Variants in FRMPD4 observed in about 807,000 individuals in gnomAD.
FRMPD4 encodes the protein FERM and PDZ domain-containing protein 4.
FRMPD4 carries 22 observed loss-of-function variants against 94.1 expected under a neutral mutation model. The ratio of observed to expected loss-of-function variants is 0.23; its 90% CI spans 0.17 to 0.33. The LOEUF (loss-of-function observed/expected upper bound fraction) is 0.33, where lower values mean the gene tolerates loss of function less well. FRMPD4 is among the 10% of genes least tolerant of loss of function. The pLI is 1.00. For missense variants in FRMPD4, 1,111 were observed against 1,339.9 expected (o/e 0.83, Z 2.67); for synonymous variants, 631 against 548.6 (o/e 1.15, Z -2.10).
At chrX:12,532,769 G>T (rs1389709187) in intron 2 of FRMPD4, among the ~76,000 whole-genome samples, 1 of 111,430 alleles carries the variant, frequency 9.0e-6, no homozygotes, top group Non-Finnish European at 1.9e-5. Flanking sequence ...TGTAATTGGA[G>T]AAAGGAATTC....
intron 3 of FRMPD4, among the ~76,000 whole-genome samples, chrX:12,041,555 A>AT (rs200104330): frequency 0.015 from 1,529 of 103,341 alleles, 11 homozygotes; most frequent in Non-Finnish European, 0.016. Flanking sequence ...ATCATGAGTC[A>AT]TTTTTTTTTT....
intron 3 of FRMPD4, among the ~76,000 whole-genome samples, chrX:11,960,270 A>G (rs1167114622): frequency 8.9e-6 from 1 of 111,792 alleles, no homozygotes; most frequent in Non-Finnish European, 1.9e-5. Context: ...GCCAAGAACC[A>G]TTTGGATTTT....
intron 4 of FRMPD4, among the ~76,000 whole-genome samples, chrX:12,638,964 T>C (rs766270946): frequency 1.8e-4 from 20 of 111,681 alleles, no homozygotes; most frequent in Non-Finnish European, 3.6e-4. Flanking sequence ...ATTCCCAGGA[T>C]GAGGAATCTC....
chrX:12,426,789 T>G (rs1046162386), intron 1 of FRMPD4, among the ~76,000 whole-genome samples: 4 of 111,804 alleles, frequency 3.6e-5, no homozygotes, highest in African/African-American at 1.3e-4. Flanking sequence ...ATCTCTTAGC[T>G]TCTACTCTTC....
chrX:12,207,794 C>T lies in FRMPD4; in HGVS notation c.41+68782C>T, dbSNP rs187490971. Reference sequence around the variant, plus strand: ...AGAATCCTAAAATCTACATACAAATCCCTAGTTGACTCCTAAACTATGCAC... The same window carrying T: ...AGAATCCTAAAATCTACATACAAATTCCTAGTTGACTCCTAAACTATGCAC... On this transcript the variant is annotated intron_variant, in intron 1 of 16. Coordinates refer to ENST00000675598, the MANE Select transcript of FRMPD4 (RefSeq NM_001368397.1). Among the ~76,000 whole-genome samples the T allele has an allele frequency of 9.0e-5, 10 of 110,740 alleles. No individual in the cohort carries two copies. The East Asian group carries it at 2.9e-3, about 32-fold the overall frequency.
At chrX:12,334,864 G>A (rs1374622014) in intron 1 of FRMPD4, among the ~76,000 whole-genome samples, 3 of 111,137 alleles carry the variant, frequency 2.7e-5, no homozygotes, top group African/African-American at 9.8e-5. Flanking sequence ...ACTTTCCTGT[G>A]AAAATGCATC....
chrX:12,302,928 T>A (rs1377770273), intron 1 of FRMPD4, among the ~76,000 whole-genome samples: 1 of 112,076 alleles, frequency 8.9e-6, no homozygotes, highest in African/African-American at 3.2e-5. Flanking sequence ...TGGACACTTA[T>A]GTGCAAAGAC....
intron 3 of FRMPD4, among the ~76,000 whole-genome samples, chrX:11,921,941 C>T (rs2054059004): frequency 9.0e-6 from 1 of 111,567 alleles, no homozygotes; most frequent in African/African-American, 3.3e-5. Context: ...GAAATCTGAG[C>T]TCTTTGTATC....
rs775235027 is a variant in FRMPD4, at chrX:12,458,998, T to G, written c.42-39682T>G. ...AGAAGGAAGTACAAAACAATATAAC[T>G]CCATTGACCATGGAGCACAGAAGTT... is the stretch of plus-strand genomic sequence containing the variant. On this transcript the variant is annotated intron_variant, in intron 1 of 16. Transcript: ENST00000675598. Among the ~76,000 whole-genome samples, 3 of 111,842 alleles carry G rather than the reference T, an allele frequency of 2.7e-5. No homozygotes were observed. The South Asian group carries it at 1.1e-3, about 42-fold the overall frequency.
chrX:12,245,311 AT>A (rs1010113370), intron 1 of FRMPD4, among the ~76,000 whole-genome samples: 4 of 110,922 alleles, frequency 3.6e-5, no homozygotes, highest in African/African-American at 1.3e-4. Flanking sequence ...GTGGGTTGGG[AT>A]TTTTTTCTCA....
At chrX:12,455,105 G>A (rs765272435) in intron 1 of FRMPD4, among the ~76,000 whole-genome samples, 16 of 110,771 alleles carry the variant, frequency 1.4e-4, no homozygotes, top group African/African-American at 4.9e-4. Flanking sequence ...ATCATGTGAC[G>A]CTGGGTGAAG....
chrX:11,826,435 G>A (rs932958004), intron 1 of FRMPD4, among the ~76,000 whole-genome samples: 6 of 111,637 alleles, frequency 5.4e-5, no homozygotes, highest in Non-Finnish European at 1.1e-4. Flanking sequence ...GAGGAGGATA[G>A]GAGGGGGCGA....
chrX:11,860,628 G>T (rs1192803701), intron 1 of FRMPD4, among the ~76,000 whole-genome samples: 1 of 112,220 alleles, frequency 8.9e-6, no homozygotes, highest in Non-Finnish European at 1.9e-5. Flanking sequence ...ACACTTTAAT[G>T]ATATTTAAAA....
intron 1 of FRMPD4, among the ~76,000 whole-genome samples, chrX:12,140,422 C>T (rs1245315776): frequency 1.8e-5 from 2 of 112,364 alleles, no homozygotes; most frequent in Non-Finnish European, 3.8e-5. Context: ...AGGGCCATTG[C>T]TTCACACCAC....
At chrX:11,834,807 T>TA (rs2053492986) in intron 1 of FRMPD4, among the ~76,000 whole-genome samples, 1 of 112,155 alleles carries the variant, frequency 8.9e-6, no homozygotes, top group Non-Finnish European at 1.9e-5. Context: ...TGAACTTATT[T>TA]AAAAAACCAT....
intron 1 of FRMPD4, among the ~76,000 whole-genome samples, chrX:12,144,787 A>AAT (rs2055740627): frequency 9.3e-6 from 1 of 107,243 alleles, no homozygotes; most frequent in African/African-American, 3.3e-5. Flanking sequence ...TATAAAATAT[A>AAT]ATATATATAT....
chrX:12,491,478 G>A (rs1160840975), intron 1 of FRMPD4, among the ~76,000 whole-genome samples: 2 of 111,662 alleles, frequency 1.8e-5, no homozygotes, highest in East Asian at 2.8e-4. Flanking sequence ...TACAACTTTG[G>A]TTTAATGTCT....
chrX:12,113,740 C>T (rs766236918), intron 3 of FRMPD4, among the ~76,000 whole-genome samples: 1 of 112,255 alleles, frequency 8.9e-6, no homozygotes, highest in East Asian at 2.8e-4. Flanking sequence ...GGGATTAGGA[C>T]AGGGACATCT....
chrX:12,392,939 C>A (rs1308056735), intron 1 of FRMPD4, among the ~76,000 whole-genome samples: 1 of 111,849 alleles, frequency 8.9e-6, no homozygotes, highest in Non-Finnish European at 1.9e-5. Context: ...TGCACTCCAC[C>A]CTGGGTGACA....
Sources: allele counts gnomAD v4.1 joint callset (sites outside exome capture counted in the v4.1 genomes callset), GRCh38; gene constraint gnomAD v4.1.1; transcripts MANE v1.5; gene names NCBI Gene and HGNC (gene_info 2026-07-23, HGNC 2026-07-21).